NFIC: variants seen among roughly 807,000 people sequenced by gnomAD.
NFIC encodes the protein nuclear factor I C, also known as nuclear factor 1 C-type.
Under a neutral mutation model 54.4 loss-of-function variants are expected in NFIC, and 12 were observed. The ratio of observed to expected loss-of-function variants is 0.22; its 90% CI spans 0.14 to 0.36. The LOEUF is 0.36. Among genes scored for constraint, NFIC ranks in the 10% least tolerant of loss-of-function variants. The pLI is 1.00. For missense variants in NFIC, 575 were observed against 718.2 expected, an observed-to-expected ratio of 0.80 and a Z score of 2.28; for synonymous variants, 322 against 319.2, an observed-to-expected ratio of 1.01 and a Z score of -0.09.
At chr19:3,448,856 C>G (rs1290782812) in intron 6 of NFIC, among the ~76,000 whole-genome samples, 158 bp from the exon 7 acceptor site, 1 of 152,172 alleles carries the variant, frequency 6.6e-6, no homozygotes, top group Non-Finnish European at 1.5e-5. Flanking sequence ...GTTTACTCCT[C>G]TGTGTAATGG....
At chr19:3,438,309 G>A (rs1003309901) in intron 6 of NFIC, among the ~76,000 whole-genome samples, 28 of 152,166 alleles carry the variant, frequency 1.8e-4, no homozygotes, top group Non-Finnish European at 3.2e-4. Context: ...GCCCCCACCA[G>A]CTTCTGCTCT....
chr19:3,434,960 G>A, intron 5 of NFIC, 123 bp from the exon 6 acceptor site: 1 of 1,313,720 alleles, frequency 7.6e-7, no homozygotes, highest in South Asian at 1.5e-5. Context: ...CTCCCGCGAT[G>A]TCTCGCGATA....
At chr19:3,442,380 CTT>C (rs10622379) in intron 6 of NFIC, among the ~76,000 whole-genome samples, 13 of 132,614 alleles carry the variant, frequency 9.8e-5, no homozygotes, top group Middle Eastern at 4.0e-3. Context: ...CTTCCCATCC[CTT>C]TTTTTTTTTT....
intron 6 of NFIC, among the ~76,000 whole-genome samples, chr19:3,447,816 C>T (rs1052562256): frequency 1.3e-5 from 2 of 152,212 alleles, no homozygotes; most frequent in African/African-American, 4.8e-5. Context: ...AGGGGCTTTC[C>T]AGGGGGTGCC....
At chr19:3,373,253 A>G (rs1379695286) in intron 1 of NFIC, among the ~76,000 whole-genome samples, 1 of 152,060 alleles carries the variant, frequency 6.6e-6, no homozygotes, top group Non-Finnish European at 1.5e-5. Context: ...CTCAGCCCTC[A>G]TTGTCCTCCC....
At chr19:3,371,531 G>C (rs1025488404) in intron 1 of NFIC, 1 of 151,992 alleles carries the variant, frequency 6.6e-6, no homozygotes, top group Non-Finnish European at 1.5e-5. Flanking sequence ...TTTTGGTTGA[G>C]AGGCGGGACT....
intron 2 of NFIC, among the ~76,000 whole-genome samples, chr19:3,410,356 A>T (rs2081735046): frequency 6.6e-6 from 1 of 152,196 alleles, no homozygotes; most frequent in African/African-American, 2.4e-5. Flanking sequence ...TCTCTCTGAG[A>T]AGGAGCTATT....
chr19:3,375,659 G>A lies in NFIC; in HGVS notation c.31-6053G>A, dbSNP rs549955860. Among the ~76,000 whole-genome samples, 30 of 152,312 alleles carry A rather than the reference G, an allele frequency of 2.0e-4. No homozygotes were observed. The highest frequency in any genetic ancestry group is 5.9e-4 in the Admixed American group (9 of 15,304). On this transcript the variant is annotated intron_variant, in intron 1 of 10. Transcript: ENST00000443272. This position sits in a 1 kb window ranked among gnomAD's most constrained non-coding sequence, Gnocchi z 4.6. ...GGGGACATTGGGGTGGGGGAGCTTC[G>A]CTGGTACAAGCTGACTCTGGTCTCA...
At chr19:3,454,256 G>A (rs1238137929) in intron 9 of NFIC, 3 of 1,145,588 alleles carry the variant, frequency 2.6e-6, no homozygotes, top group African/African-American at 3.2e-5. Flanking sequence ...CACAGTGGCG[G>A]CCCGAGGGCC....
intron 2 of NFIC, among the ~76,000 whole-genome samples, chr19:3,401,870 C>T (rs1398295046): frequency 1.4e-5 from 2 of 147,484 alleles, no homozygotes; most frequent in Non-Finnish European, 3.0e-5. Flanking sequence ...TACAAGTGTG[C>T]ACCACCTCAC....
intron 2 of NFIC, among the ~76,000 whole-genome samples, chr19:3,398,974 A>G (rs946515898): frequency 3.3e-5 from 5 of 152,226 alleles, no homozygotes; most frequent in African/African-American, 4.8e-5. Flanking sequence ...TATCATCACT[A>G]TATTCTTTCC....
Position 3,381,623 on chromosome 19 carries a change from G to A in NFIC, c.31-89G>A, listed in dbSNP as rs1014908444. 144 of 1,503,720 alleles carry A rather than the reference G, an allele frequency of 9.6e-5. 1 individual carries two copies. The highest frequency in any genetic ancestry group is 1.2e-4 in the Non-Finnish European group (138 of 1,129,494). The allele number at this position is 1,503,720 out of a possible 1,614,324, so 93.1% of individuals were successfully genotyped here. A position where few individuals can be genotyped will look rare whatever the true frequency, so the allele number is the denominator to read the frequency against. Reference sequence around the variant, plus strand: ...CTCCCACTCTGCGGGTCTGTTCAGGGCCCCTCCGACCTCAGCCTTCGGGGC... The same window carrying A: ...CTCCCACTCTGCGGGTCTGTTCAGGACCCCTCCGACCTCAGCCTTCGGGGC... On this transcript the variant is annotated intron_variant, in intron 1 of 10. Coordinates refer to ENST00000443272, the MANE Select transcript of NFIC (RefSeq NM_001245002.2).
intron 6 of NFIC, among the ~76,000 whole-genome samples, chr19:3,446,780 C>T (rs985307125): frequency 3.9e-5 from 6 of 152,136 alleles, no homozygotes; most frequent in African/African-American, 1.4e-4. Context: ...GCCTGTAATC[C>T]CAGCACTTTG....
intron 1 of NFIC, among the ~76,000 whole-genome samples, chr19:3,376,956 C>T (rs1398697982): frequency 6.6e-6 from 1 of 151,826 alleles, no homozygotes; most frequent in African/African-American, 2.4e-5. Context: ...TCTCAAACTC[C>T]TGACCTCAGA....
chr19:3,456,470 G>T, intron 9 of NFIC, 80 bp from the exon 10 acceptor site: 1 of 1,388,574 alleles, frequency 7.2e-7, no homozygotes. Context: ...CCTGGCGGTG[G>T]CCACCCTCTC....
At chr19:3,433,357 C>A (rs1270557037) in intron 3 of NFIC, among the ~76,000 whole-genome samples, 161 bp from the exon 4 acceptor site, 1 of 152,244 alleles carries the variant, frequency 6.6e-6, no homozygotes, top group Admixed American at 6.5e-5. Flanking sequence ...CCCCACGGGG[C>A]CTTCCCCATC....
chr19:3,360,947 G>A (rs960831404), intron 1 of NFIC, among the ~76,000 whole-genome samples: 24 of 152,198 alleles, frequency 1.6e-4, no homozygotes, highest in Non-Finnish European at 3.5e-4. Context: ...CCTCCCCCTA[G>A]GGAAGGGTCT....
intron 6 of NFIC, among the ~76,000 whole-genome samples, chr19:3,439,602 A>G (rs2082260467): frequency 6.6e-6 from 1 of 150,798 alleles, no homozygotes; most frequent in Admixed American, 6.6e-5. Flanking sequence ...AGATTGTGCC[A>G]TTACACTCCA....
chr19:3,436,337 T>G (rs2082203973), intron 6 of NFIC, among the ~76,000 whole-genome samples: 1 of 105,866 alleles, frequency 9.4e-6, no homozygotes, highest in South Asian at 3.0e-4. Flanking sequence ...TTTTTTTTTT[T>G]GGTAGAGATG....
Sources: allele counts gnomAD v4.1 joint callset (sites outside exome capture counted in the v4.1 genomes callset), GRCh38; gene constraint gnomAD v4.1.1; non-coding constraint Gnocchi (gnomAD v3.1); transcripts MANE v1.5; gene names NCBI Gene and HGNC (gene_info 2026-07-23, HGNC 2026-07-21).